KCND3: variants seen among roughly 807,000 people sequenced by gnomAD.
KCND3 encodes the protein potassium voltage-gated channel subfamily D member 3.
In KCND3, 9 loss-of-function variants were observed where a neutral mutation model predicts 51.1. The ratio of observed to expected loss-of-function variants is 0.18; its 90% confidence interval spans 0.11 to 0.31. The LOEUF (loss-of-function observed/expected upper bound fraction) is 0.31, where lower values mean the gene tolerates loss of function less well. Ranked by LOEUF, KCND3 falls within the 10% of genes least tolerant of loss-of-function variation. The pLI, the probability that KCND3 is intolerant of heterozygous loss-of-function variation, is 1.00. For missense variants in KCND3, 526 were observed against 903.8 expected (o/e 0.58, Z 5.36); for synonymous variants, 349 against 368.0 (o/e 0.95, Z 0.59).
At chr1:111,797,320 AAAG>A (rs1665098018) in intron 2 of KCND3, among the ~76,000 whole-genome samples, 1 of 152,194 alleles carries the variant, frequency 6.6e-6, no homozygotes, top group Non-Finnish European at 1.5e-5. Context: ...GGAAACAGAC[AAAG>A]TCAGACATCG....
At chr1:111,915,752 C>CAAAAAAAAA (rs35574221) in intron 2 of KCND3, among the ~76,000 whole-genome samples, 2 of 67,320 alleles carry the variant, frequency 3.0e-5, no homozygotes, top group Non-Finnish European at 2.8e-5. Flanking sequence ...GACTCTGTCT[C>CAAAAAAAAA]AAAAAAAAAA....
chr1:111,927,918 G>C (rs768901869), intron 2 of KCND3, among the ~76,000 whole-genome samples: 4 of 152,064 alleles, frequency 2.6e-5, no homozygotes, highest in African/African-American at 9.7e-5. Flanking sequence ...TGTCTGGGAC[G>C]TTCCTCTTCC....
intron 2 of KCND3, among the ~76,000 whole-genome samples, chr1:111,865,264 T>A (rs1241148179): frequency 2.0e-5 from 3 of 152,256 alleles, no homozygotes; most frequent in Non-Finnish European, 4.4e-5. Flanking sequence ...AACACAAGAA[T>A]TCACAGAACG....
At chr1:111,933,179 G>A (rs1010932566) in intron 2 of KCND3, among the ~76,000 whole-genome samples, 4 of 152,148 alleles carry the variant, frequency 2.6e-5, no homozygotes, top group African/African-American at 9.7e-5. Context: ...CTGTCAAGAG[G>A]TGCCTTCTGC....
intron 2 of KCND3, among the ~76,000 whole-genome samples, chr1:111,792,069 G>A (rs1664854655): frequency 6.6e-6 from 1 of 152,202 alleles, no homozygotes; most frequent in Admixed American, 6.5e-5. Flanking sequence ...ATAGGACACT[G>A]ATTAACTGGA....
chr1:111,866,233 CT>C (rs1295730802), intron 2 of KCND3, among the ~76,000 whole-genome samples: 1 of 144,528 alleles, frequency 6.9e-6, no homozygotes, highest in East Asian at 2.0e-4. Context: ...TTCTTTCCTT[CT>C]TTTCTTCTTT....
chr1:111,927,982 C>T (rs1671788715), intron 2 of KCND3, among the ~76,000 whole-genome samples: 1 of 152,180 alleles, frequency 6.6e-6, no homozygotes, highest in East Asian at 1.9e-4. Context: ...GCTCACCTCT[C>T]CCAGGGCCTC....
At chr1:111,785,399 A>G (rs1664561165) in intron 3 of KCND3, among the ~76,000 whole-genome samples, 1 of 152,208 alleles carries the variant, frequency 6.6e-6, no homozygotes, top group East Asian at 1.9e-4. Flanking sequence ...GTCAGGGAAC[A>G]GGAGGTAGGG....
At chr1:111,823,816 A>G (rs1666455916) in intron 2 of KCND3, among the ~76,000 whole-genome samples, 1 of 152,180 alleles carries the variant, frequency 6.6e-6, no homozygotes, top group South Asian at 2.1e-4. Flanking sequence ...CCATATCCAG[A>G]AACACTTTGG....
intron 6 of KCND3, 22 bp downstream of exon 6, chr1:111,778,414 T>C: frequency 8.1e-6 from 13 of 1,607,136 alleles, no homozygotes; most frequent in African/African-American, 1.3e-5. Context: ...AAAACATCAA[T>C]TGAATTTTTA....
At chr1:111,843,688 C>T (rs1410424629) in intron 2 of KCND3, among the ~76,000 whole-genome samples, 1 of 152,038 alleles carries the variant, frequency 6.6e-6, no homozygotes, top group Non-Finnish European at 1.5e-5. Flanking sequence ...CAAAATAAGC[C>T]CATTGAGAGA....
chr1:111,828,617 T>C (rs1040986249), intron 2 of KCND3, among the ~76,000 whole-genome samples: 43 of 152,144 alleles, frequency 2.8e-4, no homozygotes, highest in Non-Finnish European at 6.2e-4. Flanking sequence ...AGGACCTATC[T>C]TCACTGTTAC....
chr1:111,925,298 C>T (rs970674552), intron 2 of KCND3, among the ~76,000 whole-genome samples: 2 of 152,200 alleles, frequency 1.3e-5, no homozygotes, highest in Non-Finnish European at 1.5e-5. Context: ...AAGACTGTTT[C>T]TGCTGTACAT....
chr1:111,844,184 G>T (rs1020485868), intron 2 of KCND3, among the ~76,000 whole-genome samples: 10 of 152,134 alleles, frequency 6.6e-5, no homozygotes, highest in Admixed American at 4.6e-4. Context: ...GAATGCCAGT[G>T]GGGGAAGAAC....
chr1:111,944,490 C>G (rs1672683944), intron 2 of KCND3, among the ~76,000 whole-genome samples: 1 of 152,240 alleles, frequency 6.6e-6, no homozygotes, highest in Admixed American at 6.5e-5. Context: ...TGTCATTTCC[C>G]CCAGTAGACC....
intron 2 of KCND3, among the ~76,000 whole-genome samples, chr1:111,919,925 G>C (rs995711022): frequency 3.3e-5 from 5 of 152,246 alleles, no homozygotes; most frequent in Non-Finnish European, 5.9e-5. Flanking sequence ...GGCCAGCCTG[G>C]ATGGAGGGAG....
intron 2 of KCND3, among the ~76,000 whole-genome samples, chr1:111,925,182 C>G (rs962610506): frequency 2.0e-5 from 3 of 152,240 alleles, no homozygotes; most frequent in African/African-American, 7.2e-5. Context: ...GCAGGCTGCC[C>G]TGGCATTCAG....
chr1:111,861,615 T>C (rs996939167), intron 2 of KCND3, among the ~76,000 whole-genome samples: 2 of 152,108 alleles, frequency 1.3e-5, no homozygotes, highest in Non-Finnish European at 2.9e-5. Context: ...GAAGAGAACA[T>C]GTCACCCTCT....
chr1:111,978,098 T>C (rs936110454), intron 2 of KCND3, among the ~76,000 whole-genome samples: 1 of 152,216 alleles, frequency 6.6e-6, no homozygotes, highest in African/African-American at 2.4e-5. Context: ...GTTATTGTTC[T>C]TGTGTGCTTA....
Sources: gnomAD v4.1 joint callset for allele counts (sites outside exome capture counted in the v4.1 genomes callset) on GRCh38, gnomAD v4.1.1 for gene constraint, MANE v1.5 for transcripts, NCBI Gene and HGNC (gene_info 2026-07-23, HGNC 2026-07-21) for gene names.